PIF1: variants seen among roughly 807,000 people sequenced by gnomAD.
The protein encoded by PIF1 is ATP-dependent DNA helicase PIF1.
PIF1 carries 67 observed loss-of-function variants against 62.3 expected under a neutral mutation model. That is an observed-to-expected ratio of 1.08 (90% confidence interval 0.88 to 1.32). The LOEUF is 1.32. Ranked by LOEUF, PIF1 falls within the 40% of genes most tolerant of loss-of-function variation. The pLI is 0.00. For synonymous variants in PIF1, 364 were observed against 379.5 expected (o/e 0.96, Z 0.47); for missense variants, 886 against 866.1 (o/e 1.02, Z -0.29).
intron 4 of PIF1, 80 bp downstream of exon 4, chr15:64,822,186 C>T (rs1190681834): frequency 6.4e-7 from 1 of 1,550,388 alleles, no homozygotes; most frequent in African/African-American, 1.4e-5. Context: ...CCAAAACTCC[C>T]TCTTTATGCA....
chr15:64,824,994 TATATAC>T (rs1220354185), intron 1 of PIF1, among the ~76,000 whole-genome samples: 75 of 130,840 alleles, frequency 5.7e-4, no homozygotes, highest in Non-Finnish European at 1.1e-3. Flanking sequence ...AATTTCTATA[TATATAC>T]ACACACACAC....
At position 64,819,209 on chromosome 15, in the gene PIF1, ATC is replaced by A. The variant is rs1201112013; in HGVS notation, c.1346_1347del (p.Arg449IlefsTer2). On this transcript the variant is annotated frameshift_variant, in exon 9 of 13. Transcript: ENST00000559239. LOFTEE classifies it high-confidence loss of function. ...RLQELPGKVH[R>X]FEAMDSNPEL... The stretch of plus-strand genomic sequence containing the variant: ...TCAGGGTTGCTGTCCATAGCCTCAA[ATC>A]TGTGTACCTTACCTGGAGAAAAAGA... The A allele has an allele frequency of 6.2e-7, 1 of 1,603,678 alleles. No individual in the cohort carries two copies. The highest frequency in any genetic ancestry group is 1.1e-5 in the South Asian group (1 of 88,438).
At chr15:64,818,187 T>C in intron 10 of PIF1, 70 bp downstream of exon 10, 1 of 1,610,632 alleles carries the variant, frequency 6.2e-7, no homozygotes, top group Non-Finnish European at 8.5e-7. Flanking sequence ...AGTCTTTTTC[T>C]CCCCCCACCA....
intron 8 of PIF1, 142 bp from the exon 9 acceptor site, chr15:64,819,365 C>G: frequency 1.6e-6 from 1 of 630,422 alleles, no homozygotes. Context: ...GACTGGAGTG[C>G]AAAGGCGTGA....
Position 64,816,169 on chromosome 15 carries a change from A to C in PIF1, c.*129T>G. ...CCTTTAACCCTGCCAGGAGGCTGAGAGTCCCTAAAAAATACAGAAGGGGAC... is the reference window on the plus strand; with the variant it reads ...CCTTTAACCCTGCCAGGAGGCTGAGCGTCCCTAAAAAATACAGAAGGGGAC... On this transcript the variant is annotated 3_prime_UTR_variant, in exon 13 of 13. Transcript: ENST00000559239. The C allele has an allele frequency of 6.6e-7, 1 of 1,521,004 alleles. No individual in the cohort carries two copies. The highest frequency in any genetic ancestry group is 8.8e-7 in the Non-Finnish European group (1 of 1,137,100). 94.2% of individuals were successfully genotyped at this position (1,521,004 alleles called of 1,614,324 possible). A position where few individuals can be genotyped will look rare whatever the true frequency, so the allele number is the denominator to read the frequency against.
chr15:64,820,946 C>G, intron 7 of PIF1, 36 bp downstream of exon 7: 1 of 1,579,034 alleles, frequency 6.3e-7, no homozygotes, highest in Admixed American at 1.7e-5. Flanking sequence ...CCTGGATCCT[C>G]ATCCCATAGC....
At chr15:64,820,859 G>T in intron 7 of PIF1, 123 bp downstream of exon 7, 2 of 828,624 alleles carry the variant, frequency 2.4e-6, no homozygotes, top group Non-Finnish European at 3.9e-6. Flanking sequence ...TCCTCTTCCT[G>T]CATGGAGTGC....
upstream of PIF1, among the ~76,000 whole-genome samples, chr15:64,826,627 TATATATATA>T (rs1567090216): frequency 9.0e-4 from 10 of 11,052 alleles, 1 homozygote; most frequent in East Asian, 0.018. Flanking sequence ...AGCTAATTTA[TATATATATA>T]TATATATATA....
chr15:64,825,072 G>A (rs185350835), intron 1 of PIF1, among the ~76,000 whole-genome samples: 24 of 151,688 alleles, frequency 1.6e-4, no homozygotes, highest in East Asian at 1.4e-3. Flanking sequence ...GATGGGCACC[G>A]AGGATTAGGG....
chr15:64,821,972 C>A (rs1284998324), intron 4 of PIF1: 4 of 387,526 alleles, frequency 1.0e-5, no homozygotes, highest in African/African-American at 6.4e-5. Flanking sequence ...GATCTCCTGA[C>A]CTTGTGATCC....
chr15:64,824,076 G>C lies in PIF1; in HGVS notation c.260C>G (p.Thr87Ser), dbSNP rs1221111478. 7 of 1,267,102 alleles carry C rather than the reference G, an allele frequency of 5.5e-6. No individual in the cohort carries two copies. In the Admixed American group the frequency reaches 1.3e-4, roughly 23 times the overall value. The allele number at this position is 1,267,102 out of a possible 1,614,324, so 78.5% of individuals were successfully genotyped here. Residue 87 changes from threonine (T) to serine (S), a missense_variant, in exon 2 of 13, where the codon ACC becomes AGC. Thr to Ser is a moderately conservative substitution (Grantham distance 58). Transcript: ENST00000559239. ...FTRFAEAGRS[T>S]LRLPAHDTPG... is the part of the protein sequence containing the mutation. ...GGTGTCGTGGGCGGGGAGCCGCAGGGTGCTGCGCCCGGCCTCGGCGAAACG... is the reference window on the plus strand; with the variant it reads ...GGTGTCGTGGGCGGGGAGCCGCAGGCTGCTGCGCCCGGCCTCGGCGAAACG...
intron 4 of PIF1, 58 bp from the exon 5 acceptor site, chr15:64,821,578 T>C (rs866887090): frequency 4.7e-6 from 7 of 1,497,008 alleles, no homozygotes; most frequent in Middle Eastern, 2.1e-4. Context: ...TTTTTTTTTT[T>C]TTTTTTTTTT....
Position 64,816,310 on chromosome 15 carries a change from G to A in PIF1, c.1914C>T (p.Asp638=). ...DEAASDQENM[D]PIL ...TTGTGGGTGAGGCTCAGAGGATTGG[G>A]TCCATGTTCTCCTGGTCTGAGGCTG... is the stretch of plus-strand genomic sequence containing the variant. Residue 638 remains aspartate, a synonymous_variant, in exon 13 of 13, where the codon GAC becomes GAT. Transcript: ENST00000559239. The A allele has an allele frequency of 6.2e-7, 1 of 1,614,054 alleles. No individual in the cohort carries two copies. Among genetic ancestry groups the A allele is most frequent in the Non-Finnish European group, 8.5e-7 (1 of 1,180,000 alleles).
upstream of PIF1, among the ~76,000 whole-genome samples, chr15:64,826,624 TTATATATATATATATA>T (rs764170884): frequency 8.5e-3 from 307 of 36,078 alleles, 17 homozygotes; most frequent in East Asian, 0.15. Context: ...CCCAGCTAAT[TTATATATATATATATA>T]TATATATATA....
At position 64,816,692 on chromosome 15, in the gene PIF1, G is replaced by C. The variant is rs767861575; in HGVS notation, c.1748C>G (p.Ser583Cys). Residue 583 changes from serine (S) to cysteine (C), a missense_variant, in exon 12 of 13, where the codon TCT becomes TGT. Ser to Cys is a moderately radical substitution (Grantham distance 112, BLOSUM62 -1). Transcript: ENST00000559239. ...FASGQAYVAL[S>C]RARSLQGLRV... ...TAGGCCCTGCAGGCTGCGGGCCCGA[G>C]AAAGGGCCACATAGGCCTGGCCACT... is the stretch of plus-strand genomic sequence containing the variant. 1.9e-6 allele frequency: 3 copies of C among 1,613,736 alleles called. No individual in the cohort carries two copies. The East Asian group carries it at 6.7e-5, about 36-fold the overall frequency.
intron 4 of PIF1, 41 bp from the exon 5 acceptor site, chr15:64,821,561 C>T (rs773375433): frequency 1.3e-5 from 18 of 1,351,176 alleles, no homozygotes; most frequent in Middle Eastern, 2.4e-4. Context: ...TACCCAAAGC[C>T]TCTCTTTTTT....
At position 64,824,312 on chromosome 15, in the gene PIF1, C is replaced by G; in HGVS notation, c.24G>C (p.Ala8=). 7.9e-7 allele frequency: 1 copy of G among 1,257,876 alleles called. No homozygotes were observed. The highest frequency in any genetic ancestry group is 1.0e-6 in the Non-Finnish European group (1 of 999,876). 77.9% of individuals were successfully genotyped at this position (1,257,876 alleles called of 1,614,324 possible). A position where few individuals can be genotyped will look rare whatever the true frequency, so the allele number is the denominator to read the frequency against. The part of the protein sequence containing the change: MLSGIEA[A]AGEYEDSELR... ...GCTCCGAGTCCTCATATTCCCCTGC[C>G]GCCGCCTCTATGCCCGAGAGCATCG... is the stretch of plus-strand genomic sequence containing the variant. Residue 8 remains alanine, a synonymous_variant, in exon 2 of 13, where the codon GCG becomes GCC. Transcript: ENST00000559239.
intron 4 of PIF1, 55 bp downstream of exon 4, chr15:64,822,211 C>A: frequency 1.3e-6 from 2 of 1,578,902 alleles, no homozygotes; most frequent in Non-Finnish European, 1.7e-6. Flanking sequence ...TCCCCTCTCT[C>A]CCTTCCCAGA....
At position 64,821,194 on chromosome 15, in the gene PIF1, G is replaced by A. The variant is rs1363009800; in HGVS notation, c.1059C>T (p.Gly353=). The A allele has an allele frequency of 1.2e-6, 2 of 1,614,098 alleles. No homozygotes were observed. The highest frequency in any genetic ancestry group is 1.7e-6 in the Non-Finnish European group (2 of 1,180,048). Residue 353 remains glycine (G), a synonymous_variant, in exon 6 of 13, where the codon GGC becomes GGT. Transcript: ENST00000559239. ...DFLQLPPVTK[G]SQPPRFCFQS... ...GGAAGCAGAACCGTGGGGGCTGGGA[G>A]CCCTTGGTCACAGGTGGCAGCTGCA...
Sources: gnomAD v4.1 joint callset for allele counts (sites outside exome capture counted in the v4.1 genomes callset) on GRCh38, gnomAD v4.1.1 for gene constraint, MANE v1.5 for transcripts, NCBI Gene and HGNC (gene_info 2026-07-23, HGNC 2026-07-21) for gene names.